SBF2: variants seen among roughly 807,000 people sequenced by gnomAD.
SBF2 encodes myotubularin-related protein 13.
In SBF2, 112 loss-of-function variants were observed where a neutral mutation model predicts 225.2. The observed-to-expected ratio is 0.50, with a 90% CI of 0.43 to 0.58. The LOEUF (loss-of-function observed/expected upper bound fraction) is 0.58. Ranked by LOEUF, SBF2 falls within the 20% of genes least tolerant of loss-of-function variation. The pLI, the probability that SBF2 is intolerant of heterozygous loss-of-function variation, is 0.00. For missense variants in SBF2, 1,996 were observed against 2,206.2 expected (o/e 0.90, Z 1.91); for synonymous variants, 763 against 773.3 (o/e 0.99, Z 0.22).
chr11:9,795,481 T>C (rs1353593169), intron 33 of SBF2, among the ~76,000 whole-genome samples: 3 of 152,212 alleles, frequency 2.0e-5, no homozygotes, highest in Non-Finnish European at 4.4e-5. Context: ...CACAGGGTCT[T>C]AGCTGTATTC....
chr11:9,974,973 AAAAAAAAAAAAAAAAG>A (rs1197931572), intron 13 of SBF2, among the ~76,000 whole-genome samples: 3,913 of 137,896 alleles, frequency 0.028, 223 homozygotes, highest in East Asian at 0.14. Flanking sequence ...AAAAAAAAAA[AAAAAAAAAAAAAAAAG>A]AAAAAAAGAA....
intron 2 of SBF2, among the ~76,000 whole-genome samples, chr11:10,147,419 G>A (rs2135158522): frequency 6.6e-6 from 1 of 152,242 alleles, no homozygotes; most frequent in East Asian, 1.9e-4. Flanking sequence ...TCCTGTGCAG[G>A]AACATGAATG....
chr11:9,882,531 G>A (rs191714307), intron 17 of SBF2, among the ~76,000 whole-genome samples: 21 of 152,154 alleles, frequency 1.4e-4, no homozygotes, highest in South Asian at 4.1e-4. Context: ...CTTCTCGGCC[G>A]GGCATGGTGG....
intron 1 of SBF2, among the ~76,000 whole-genome samples, chr11:10,208,111 T>C (rs1229071056): frequency 2.0e-5 from 3 of 152,138 alleles, no homozygotes; most frequent in African/African-American, 7.2e-5. Context: ...GCTCTGTCAC[T>C]AACTGGTGAC....
chr11:10,066,399 C>T (rs1426129676), intron 2 of SBF2, among the ~76,000 whole-genome samples: 2 of 151,386 alleles, frequency 1.3e-5, no homozygotes, highest in Non-Finnish European at 2.9e-5. Context: ...TAATAAAAGG[C>T]TAACATATCA....
chr11:10,142,319 G>A (rs1464621806), intron 2 of SBF2, among the ~76,000 whole-genome samples: 1 of 152,090 alleles, frequency 6.6e-6, no homozygotes, highest in African/African-American at 2.4e-5. Context: ...CAATATTTAA[G>A]GGAACTATGT....
Position 10,031,035 on chromosome 11 carries a change from A to ATCATTTTT in SBF2, c.402+12_402+13insAAAAATGA. The ATCATTTTT allele has an allele frequency of 6.2e-7, 1 of 1,604,906 alleles. No individual in the cohort carries two copies. Among genetic ancestry groups the ATCATTTTT allele is most frequent in the Non-Finnish European group, 8.5e-7 (1 of 1,172,178 alleles). The stretch of plus-strand genomic sequence containing the variant: ...ATAATACAAATTAATAATGATAACT[A>ATCATTTTT]TGTGTTCTTTACCCTAAAAATTTCT... On this transcript the variant is annotated intron_variant, in intron 4 of 39. Transcript: ENST00000256190.
At chr11:9,798,663 A>T (rs1399486712) in intron 32 of SBF2, among the ~76,000 whole-genome samples, 21 of 152,144 alleles carry the variant, frequency 1.4e-4, no homozygotes, top group Non-Finnish European at 3.1e-4. Context: ...TAAAGCCTCA[A>T]GGGCCAGGCG....
At chr11:10,092,485 A>C (rs947019125) in intron 2 of SBF2, among the ~76,000 whole-genome samples, 2 of 152,158 alleles carry the variant, frequency 1.3e-5, no homozygotes, top group African/African-American at 4.8e-5. Context: ...CCTAAGACAG[A>C]ATCTGATTTT....
intron 27 of SBF2, among the ~76,000 whole-genome samples, chr11:9,831,936 C>A (rs1036955739): frequency 6.6e-6 from 1 of 152,174 alleles, no homozygotes; most frequent in Non-Finnish European, 1.5e-5. Context: ...TGTGAATACT[C>A]TGGTTTGCTG....
chr11:10,102,666 T>C (rs1321772176), intron 2 of SBF2, among the ~76,000 whole-genome samples: 1 of 152,090 alleles, frequency 6.6e-6, no homozygotes, highest in Non-Finnish European at 1.5e-5. Context: ...GTTCTGGGGG[T>C]ATAAGCAAGT....
chr11:9,826,954 C>T (rs941073634), intron 28 of SBF2, among the ~76,000 whole-genome samples: 2 of 152,086 alleles, frequency 1.3e-5, no homozygotes, highest in African/African-American at 4.8e-5. Flanking sequence ...TCTCCTGTCT[C>T]AGCCTCCTGA....
chr11:10,136,471 A>G (rs1296010968), intron 2 of SBF2, among the ~76,000 whole-genome samples: 1 of 152,136 alleles, frequency 6.6e-6, no homozygotes, highest in Non-Finnish European at 1.5e-5. Context: ...CTGAGTTAGT[A>G]TTTGATTATG....
chr11:10,159,153 G>A (rs565162029), intron 2 of SBF2, among the ~76,000 whole-genome samples: 10 of 152,090 alleles, frequency 6.6e-5, no homozygotes, highest in Admixed American at 2.0e-4. Flanking sequence ...TAACTTAACC[G>A]ACTCCATCTT....
At chr11:10,161,677 G>A (rs945197922) in intron 2 of SBF2, among the ~76,000 whole-genome samples, 43 of 152,096 alleles carry the variant, frequency 2.8e-4, no homozygotes, top group African/African-American at 1.0e-3. Context: ...TACACTTTCA[G>A]GAAAATTCTT....
intron 17 of SBF2, 85 bp downstream of exon 17, chr11:9,895,858 G>T: frequency 9.9e-7 from 1 of 1,009,042 alleles, no homozygotes. Context: ...AAGAGGACAG[G>T]ATTTTCATGT....
intron 1 of SBF2, among the ~76,000 whole-genome samples, chr11:10,264,128 A>G (rs1450038304): frequency 6.6e-6 from 1 of 152,170 alleles, no homozygotes; most frequent in Non-Finnish European, 1.5e-5. Flanking sequence ...TTTACTGCCA[A>G]ACTGCCCTCT....
chr11:10,147,446 T>C (rs1247857515), intron 2 of SBF2, among the ~76,000 whole-genome samples: 5 of 152,160 alleles, frequency 3.3e-5, no homozygotes, highest in Non-Finnish European at 5.9e-5. Flanking sequence ...GAGGCCATTA[T>C]CCTTAGCAAA....
intron 2 of SBF2, among the ~76,000 whole-genome samples, chr11:10,095,429 G>A (rs1951975842): frequency 6.6e-6 from 1 of 152,104 alleles, no homozygotes; most frequent in South Asian, 2.1e-4. Context: ...ACATAACATA[G>A]AAATACTTTA....
Sources: allele counts gnomAD v4.1 joint callset (sites outside exome capture counted in the v4.1 genomes callset), GRCh38; gene constraint gnomAD v4.1.1; transcripts MANE v1.5; gene names NCBI Gene and HGNC (gene_info 2026-07-23, HGNC 2026-07-21).